Variants in NDUFS4 observed in about 807,000 individuals in gnomAD.
The protein encoded by NDUFS4 is NADH:ubiquinone oxidoreductase subunit S4.
A neutral mutation model predicts 24.3 loss-of-function variants in NDUFS4; 28 were observed. The observed-to-expected ratio is 1.15, with a 90% CI of 0.85 to 1.58. The LOEUF (loss-of-function observed/expected upper bound fraction) is 1.58, where lower values mean the gene tolerates loss of function less well. Among genes scored for constraint, NDUFS4 ranks in the 40% most tolerant of loss-of-function variants. The pLI, the probability that NDUFS4 is intolerant of heterozygous loss-of-function variation, is 0.00. For synonymous variants in NDUFS4, 93 were observed against 69.7 expected (o/e 1.34, Z -1.67); for missense variants, 223 against 207.9 (o/e 1.07, Z -0.45).
At chr5:53,560,970 C>G (rs1382856360) in intron 1 of NDUFS4, among the ~76,000 whole-genome samples, 2 of 152,106 alleles carry the variant, frequency 1.3e-5, no homozygotes, top group Non-Finnish European at 2.9e-5. Context: ...GGAGGAGGAC[C>G]TGTGGTTTTC....
Position 53,560,722 on chromosome 5 carries a change from G to A in NDUFS4, c.60G>A (p.Val20=), listed in dbSNP as rs770122859. The change falls in exon 1 of 5, where the codon GTG becomes GTA. Residue 20 remains valine (V), a synonymous_variant. Transcript: ENST00000296684. ...LRQTLWRRRA[V]AVAALSVSRV... ...AGACGTTGTGGCGGAGAAGGGCAGT[G>A]GCTGTAGCTGCCCTTTCCGTTTCCA... 2 of 1,614,226 alleles carry A rather than the reference G, an allele frequency of 1.2e-6. No individual in the cohort carries two copies. Among genetic ancestry groups the A allele is most frequent in the Non-Finnish European group, 1.7e-6 (2 of 1,180,036 alleles).
intron 1 of NDUFS4, among the ~76,000 whole-genome samples, chr5:53,587,426 T>G (rs1320178431): frequency 6.6e-6 from 1 of 152,150 alleles, no homozygotes; most frequent in Non-Finnish European, 1.5e-5. Flanking sequence ...GTGGTTAGTA[T>G]TTTGCTGGTT....
At chr5:53,594,124 A>G (rs1468256104) in intron 1 of NDUFS4, among the ~76,000 whole-genome samples, 1 of 152,140 alleles carries the variant, frequency 6.6e-6, no homozygotes, top group African/African-American at 2.4e-5. Flanking sequence ...GGCTCTGTCA[A>G]TTACTATTCG....
chr5:53,584,902 G>A (rs1749695506), intron 1 of NDUFS4, among the ~76,000 whole-genome samples: 1 of 151,784 alleles, frequency 6.6e-6, no homozygotes, highest in Non-Finnish European at 1.5e-5. Flanking sequence ...CAAGTAGCTG[G>A]GATTACAGGT....
At chr5:53,660,253 C>A (rs1209787888) in intron 4 of NDUFS4, among the ~76,000 whole-genome samples, 3 of 149,796 alleles carry the variant, frequency 2.0e-5, no homozygotes, top group African/African-American at 7.4e-5. Flanking sequence ...GCGGTGTTTG[C>A]TTTTTTTGTC....
chr5:53,662,114 T>G lies in NDUFS4; in HGVS notation c.424+3490T>G, dbSNP rs559745927. On this transcript the variant is annotated intron_variant, in intron 4 of 4. Coordinates refer to ENST00000296684, the MANE Select transcript of NDUFS4 (RefSeq NM_002495.4). The stretch of plus-strand genomic sequence containing the variant: ...ATGTTTCCAGTTCTTGCCCATTCAG[T>G]ATGATATTGGCTGTGGGTTTGTCAT... Among the ~76,000 whole-genome samples the G allele has an allele frequency of 8.5e-5, 13 of 152,352 alleles. No individual in the cohort carries two copies. The South Asian group carries it at 2.3e-3, about 27-fold the overall frequency.
chr5:53,589,719 G>C (rs907236671), intron 1 of NDUFS4, among the ~76,000 whole-genome samples: 1 of 152,154 alleles, frequency 6.6e-6, no homozygotes, highest in Non-Finnish European at 1.5e-5. Flanking sequence ...GCTGGGAAAG[G>C]CAGACCCACC....
intron 1 of NDUFS4, among the ~76,000 whole-genome samples, chr5:53,572,672 C>G (rs1224590052): frequency 6.7e-6 from 1 of 148,416 alleles, no homozygotes; most frequent in Non-Finnish European, 1.5e-5. Context: ...TTGGCGGAGT[C>G]TCGCCCTGTT....
At position 53,654,604 on chromosome 5, in the gene NDUFS4, C is replaced by G. The variant is rs144784816; in HGVS notation, c.351-3947C>G. On this transcript the variant is annotated intron_variant, in intron 3 of 4. Coordinates refer to ENST00000296684, the MANE Select transcript of NDUFS4 (RefSeq NM_002495.4). ...GACCACCTGATATTTCTGAATGGTG[C>G]TAATCAAACTAACAGCATTTAGAGC... Among the ~76,000 whole-genome samples the G allele has an allele frequency of 9.2e-3, 1,395 of 152,070 alleles. 17 individuals carry two copies. The highest frequency in any genetic ancestry group is 0.032 in the African/African-American group (1,321 of 41,524).
intron 3 of NDUFS4, among the ~76,000 whole-genome samples, chr5:53,647,353 T>G (rs1164032074): frequency 6.6e-6 from 1 of 152,068 alleles, no homozygotes; most frequent in East Asian, 1.9e-4. Context: ...TAGCTGGGAA[T>G]ATAGGTGCAT....
intron 2 of NDUFS4, among the ~76,000 whole-genome samples, chr5:53,623,640 G>A (rs191664808): frequency 7.2e-5 from 11 of 152,126 alleles, no homozygotes; most frequent in South Asian, 2.1e-4. Flanking sequence ...ATTCACTGTC[G>A]AAGATTTCCT....
At chr5:53,563,581 A>C (rs1748927237) in intron 1 of NDUFS4, among the ~76,000 whole-genome samples, 1 of 151,766 alleles carries the variant, frequency 6.6e-6, no homozygotes, top group Non-Finnish European at 1.5e-5. Flanking sequence ...AGTTCACTGC[A>C]ACCTCTGCCT....
chr5:53,573,506 TA>T (rs1309536250), intron 1 of NDUFS4: 11 of 431,730 alleles, frequency 2.5e-5, no homozygotes, highest in Non-Finnish European at 5.0e-5. Context: ...GCAGATCCTG[TA>T]TATGTTTCGT....
At chr5:53,647,111 T>A (rs1751890965) in intron 3 of NDUFS4, among the ~76,000 whole-genome samples, 1 of 151,312 alleles carries the variant, frequency 6.6e-6, no homozygotes, top group Admixed American at 6.6e-5. Flanking sequence ...GTAAGGGGGG[T>A]AGGAACTAGG....
intron 4 of NDUFS4, among the ~76,000 whole-genome samples, chr5:53,659,660 C>T (rs1259285655): frequency 6.6e-6 from 1 of 152,130 alleles, no homozygotes. Flanking sequence ...GAATTTGTCT[C>T]TTTAAGTGCA....
chr5:53,602,739 C>T (rs1423075504), intron 1 of NDUFS4, among the ~76,000 whole-genome samples: 1 of 152,080 alleles, frequency 6.6e-6, no homozygotes, highest in African/African-American at 2.4e-5. Context: ...TTGGAAAACT[C>T]TTAAGATGCT....
At chr5:53,637,659 C>CTTA (rs1751596700) in intron 2 of NDUFS4, among the ~76,000 whole-genome samples, 1 of 151,968 alleles carries the variant, frequency 6.6e-6, no homozygotes, top group Admixed American at 6.6e-5. Flanking sequence ...GAAAACAAAA[C>CTTA]ATTAAAGACC....
chr5:53,614,631 T>C (rs1750791165), intron 2 of NDUFS4, among the ~76,000 whole-genome samples: 1 of 152,032 alleles, frequency 6.6e-6, no homozygotes, highest in Non-Finnish European at 1.5e-5. Context: ...GTTTAAACTG[T>C]TAATAGCCAC....
chr5:53,634,866 G>T (rs1412311163), intron 2 of NDUFS4, among the ~76,000 whole-genome samples: 3 of 151,758 alleles, frequency 2.0e-5, no homozygotes, highest in Admixed American at 2.0e-4. Context: ...GGTATCCTAA[G>T]ATAGGTACAT....
Sources: allele counts gnomAD v4.1 joint callset (sites outside exome capture counted in the v4.1 genomes callset), GRCh38; gene constraint gnomAD v4.1.1; transcripts MANE v1.5; gene names NCBI Gene and HGNC (gene_info 2026-07-23, HGNC 2026-07-21).